DZIP3: variants seen among roughly 807,000 people sequenced by gnomAD.
DZIP3 encodes E3 ubiquitin-protein ligase DZIP3.
In DZIP3, 118 loss-of-function variants were observed where a neutral mutation model predicts 162.0. That is an observed-to-expected ratio of 0.73 (90% CI 0.63 to 0.85). The LOEUF (loss-of-function observed/expected upper bound fraction) is 0.85, where lower values mean the gene tolerates loss of function less well. DZIP3 is among the 40% of genes least tolerant of loss of function. DZIP3 has a pLI of 0.00. For synonymous variants in DZIP3, 438 were observed against 458.6 expected (o/e 0.96, Z 0.57); for missense variants, 1,331 against 1,407.0 (o/e 0.95, Z 0.86).
intron 8 of DZIP3, among the ~76,000 whole-genome samples, chr3:108,631,055 ACTCTCTCT>A (rs1270598841): frequency 1.1e-4 from 2 of 18,006 alleles, no homozygotes; most frequent in South Asian, 2.3e-3. Flanking sequence ...ACACACACAC[ACTCTCTCT>A]CTCTCTCTCT....
At chr3:108,688,506 T>G in intron 29 of DZIP3, 87 bp from the exon 30 acceptor site, 1 of 1,403,892 alleles carries the variant, frequency 7.1e-7, no homozygotes. Flanking sequence ...TTGCTAGTTC[T>G]TACTATACCC....
At chr3:108,593,094 AATT>A (rs1939519302) in intron 1 of DZIP3, among the ~76,000 whole-genome samples, 1 of 152,218 alleles carries the variant, frequency 6.6e-6, no homozygotes, top group Non-Finnish European at 1.5e-5. Flanking sequence ...GTCTGCCAAA[AATT>A]ATCCAGTTTT....
At position 108,644,576 on chromosome 3, in the gene DZIP3, G is replaced by A; in HGVS notation, c.1554G>A (p.Met518Ile). The change falls in exon 14 of 33, where the codon ATG becomes ATA. Residue 518 changes from methionine to isoleucine, a missense_variant. Transcript: ENST00000361582. ...ATATCCTCCTTAGTGAGATTTTGAT[G>A]AATGGTCTCACTGAGTCACAGTTCA... ...YRDILLSEIL[M>I]NGLTESQFNS... is the part of the protein sequence containing the mutation. 1 of 1,614,104 alleles carries A rather than the reference G, an allele frequency of 6.2e-7. No homozygotes were observed. The highest frequency in any genetic ancestry group is 1.1e-5 in the South Asian group (1 of 91,082).
intron 13 of DZIP3, among the ~76,000 whole-genome samples, chr3:108,642,733 G>A (rs1025250368): frequency 1.3e-5 from 2 of 152,288 alleles, no homozygotes; most frequent in Non-Finnish European, 1.5e-5. Flanking sequence ...CCTATAGAGA[G>A]GCATGCTAGG....
intron 1 of DZIP3, among the ~76,000 whole-genome samples, chr3:108,591,032 T>C (rs572796039): frequency 6.6e-6 from 1 of 152,330 alleles, no homozygotes; most frequent in Non-Finnish European, 1.5e-5. Flanking sequence ...GTTATTACTC[T>C]AGAATAATGT....
intron 31 of DZIP3, among the ~76,000 whole-genome samples, chr3:108,689,319 A>G (rs1217661614): frequency 1.3e-5 from 2 of 152,316 alleles, no homozygotes; most frequent in South Asian, 2.1e-4. Flanking sequence ...CCCCTTTCAT[A>G]AAGCATAAGA....
chr3:108,589,550 G>C, upstream of DZIP3: 1 of 505,106 alleles, frequency 2.0e-6, no homozygotes, highest in South Asian at 2.7e-5. Flanking sequence ...GGTGACGGCC[G>C]GGGTGGGCCA....
intron 18 of DZIP3, among the ~76,000 whole-genome samples, chr3:108,651,765 A>C (rs1469335356): frequency 6.6e-6 from 1 of 151,844 alleles, no homozygotes. Flanking sequence ...GATTAATAAC[A>C]GTGTAGTAGA....
chr3:108,622,876 C>CTGTGTGTG (rs772538913), intron 5 of DZIP3, among the ~76,000 whole-genome samples: 4 of 87,346 alleles, frequency 4.6e-5, no homozygotes, highest in African/African-American at 1.9e-4. Flanking sequence ...CTCTCTCTCT[C>CTGTGTGTG]TCTCTGTGTG....
At position 108,661,003 on chromosome 3, in the gene DZIP3, A is replaced by G. The variant is rs1252149789; in HGVS notation, c.2200-874A>G. Among the ~76,000 whole-genome samples the G allele has an allele frequency of 9.2e-5, 14 of 152,212 alleles. No homozygotes were observed. In the East Asian group the frequency reaches 1.4e-3, roughly 15 times the overall value. ...GGAAACAACAGGTGCTGGAGAGGAT[A>G]TGGAGAAATAGGAACACTTTTACAC... On this transcript the variant is annotated intron_variant, in intron 19 of 32. Coordinates refer to ENST00000361582, the MANE Select transcript of DZIP3 (RefSeq NM_014648.4).
At chr3:108,678,479 C>G (rs748569535) in intron 26 of DZIP3, among the ~76,000 whole-genome samples, 4 of 151,954 alleles carry the variant, frequency 2.6e-5, no homozygotes, top group Non-Finnish European at 5.9e-5. Flanking sequence ...TGGACCTCAC[C>G]TCTGCATTTC....
chr3:108,625,607 T>C (rs1223760557), intron 6 of DZIP3, among the ~76,000 whole-genome samples: 1 of 152,184 alleles, frequency 6.6e-6, no homozygotes, highest in African/African-American at 2.4e-5. Flanking sequence ...ATATTCACTT[T>C]GAAATATTGG....
intron 9 of DZIP3, among the ~76,000 whole-genome samples, chr3:108,634,658 AC>A (rs1942055499): frequency 6.6e-6 from 1 of 152,098 alleles, no homozygotes; most frequent in African/African-American, 2.4e-5. Context: ...CAAATTATTG[AC>A]CTTTTTTTTA....
chr3:108,690,663 C>T, intron 31 of DZIP3, 124 bp from the exon 32 acceptor site: 1 of 816,748 alleles, frequency 1.2e-6, no homozygotes, highest in Non-Finnish European at 1.9e-6. Context: ...GTTTGACGAT[C>T]CACAGCGTAA....
intron 19 of DZIP3, 51 bp downstream of exon 19, chr3:108,654,361 T>C (rs758363660): frequency 2.5e-6 from 4 of 1,596,534 alleles, no homozygotes; most frequent in South Asian, 1.1e-5. Context: ...TATCTGGTTT[T>C]TCCTGTGACT....
At chr3:108,685,583 A>G (rs1195581360) in intron 27 of DZIP3, among the ~76,000 whole-genome samples, 3 of 152,222 alleles carry the variant, frequency 2.0e-5, no homozygotes, top group Non-Finnish European at 4.4e-5. Flanking sequence ...AGGAACTACC[A>G]TAAAATATGG....
chr3:108,672,573 A>G lies in DZIP3; in HGVS notation c.2506A>G (p.Met836Val), dbSNP rs1278969669. The G allele has an allele frequency of 2.5e-6, 4 of 1,611,672 alleles. No individual in the cohort carries two copies. The highest frequency in any genetic ancestry group is 2.7e-5 in the African/African-American group (2 of 74,900). The change falls in exon 23 of 33, where the codon ATG becomes GTG. Residue 836 changes from methionine to valine, a missense_variant. Met to Val is a conservative substitution (Grantham distance 21, BLOSUM62 1). Transcript: ENST00000361582. Reference protein sequence around the residue: ...QLSMKRSQWEMEKHNLESTMK... With the variant: ...QLSMKRSQWEVEKHNLESTMK... Reference sequence around the variant, plus strand: ...CATGTATTTCAGATCTCAGTGGGAAATGGAAAAACATAATCTGGAAAGCAC... The same window carrying G: ...CATGTATTTCAGATCTCAGTGGGAAGTGGAAAAACATAATCTGGAAAGCAC...
intron 19 of DZIP3, among the ~76,000 whole-genome samples, chr3:108,660,377 A>G: frequency 6.6e-6 from 1 of 152,230 alleles, no homozygotes; most frequent in East Asian, 1.9e-4. Flanking sequence ...TGACAAAAAC[A>G]GAAATTGGGA....
chr3:108,637,470 C>G (rs550767036), intron 11 of DZIP3, 26 bp from the exon 12 acceptor site: 2 of 1,605,284 alleles, frequency 1.2e-6, no homozygotes, highest in Non-Finnish European at 1.7e-6. Flanking sequence ...TACTTTAGGG[C>G]TATTTTTTTT....
Sources: allele counts gnomAD v4.1 joint callset (sites outside exome capture counted in the v4.1 genomes callset), GRCh38; gene constraint gnomAD v4.1.1; transcripts MANE v1.5; gene names NCBI Gene and HGNC (gene_info 2026-07-23, HGNC 2026-07-21).